The following SPECC1 variants were observed in gnomAD, a reference collection of about 807,000 sequenced individuals.
SPECC1 encodes the protein cytospin-B.
A neutral mutation model predicts 104.1 loss-of-function variants in SPECC1; 62 were observed. That is an observed-to-expected ratio of 0.60 (90% CI 0.49 to 0.74). The LOEUF (loss-of-function observed/expected upper bound fraction) is 0.74. SPECC1 is among the 30% of genes least tolerant of loss of function. The probability of loss-of-function intolerance (pLI) is 0.00; values close to 1 mark genes in which losing one functional copy is unlikely to be tolerated. For synonymous variants in SPECC1, 513 were observed against 501.6 expected (o/e 1.02, Z -0.30); for missense variants, 1,306 against 1,310.5 (o/e 1.00, Z 0.05).
chr17:20,154,477 C>T (rs569290464), intron 3 of SPECC1, among the ~76,000 whole-genome samples: 1 of 152,212 alleles, frequency 6.6e-6, no homozygotes, highest in East Asian at 1.9e-4. Flanking sequence ...GAACATGCCC[C>T]GCTTATTTGA....
Position 20,316,627 on chromosome 17 carries a change from C to T in SPECC1, c.*2562C>T. On this transcript the variant is annotated 3_prime_UTR_variant, in exon 15 of 15. Transcript: ENST00000395527. ...CAAGGTGATCTGCCTGCCTCAGCCT[C>T]CCAAAGTGCTGGGATTACAGGCATG... 1 of 184,546 alleles carries T rather than the reference C, an allele frequency of 5.4e-6. No homozygotes were observed. The highest frequency in any genetic ancestry group is 2.3e-5 in the African/African-American group (1 of 42,574). The allele number at this position is 184,546 out of a possible 1,614,324, so 11.4% of individuals were successfully genotyped here.
intron 1 of SPECC1, among the ~76,000 whole-genome samples, chr17:20,068,736 T>G (rs1298845635): frequency 6.6e-6 from 1 of 152,224 alleles, no homozygotes; most frequent in Non-Finnish European, 1.5e-5. Flanking sequence ...GCCTAATGAT[T>G]GATTTTTCTA....
chr17:20,075,192 C>T (rs953382942), intron 1 of SPECC1, among the ~76,000 whole-genome samples: 2 of 152,212 alleles, frequency 1.3e-5, no homozygotes, highest in African/African-American at 4.8e-5. Flanking sequence ...CGTGAGCCCC[C>T]ACACCTGGCC....
chr17:20,116,073 T>C (rs1041219818), intron 3 of SPECC1, among the ~76,000 whole-genome samples: 4 of 152,104 alleles, frequency 2.6e-5, no homozygotes, highest in African/African-American at 4.8e-5. Flanking sequence ...TCAATAACTT[T>C]CTTTTTTATT....
chr17:20,092,719 T>C (rs1279306544), intron 1 of SPECC1, among the ~76,000 whole-genome samples: 1 of 152,218 alleles, frequency 6.6e-6, no homozygotes, highest in African/African-American at 2.4e-5. Flanking sequence ...TCAACAGCCT[T>C]CTGTGTGCCT....
chr17:20,133,172 ATTTT>A (rs2049745784), intron 3 of SPECC1, among the ~76,000 whole-genome samples: 1 of 151,448 alleles, frequency 6.6e-6, no homozygotes, highest in African/African-American at 2.4e-5. Context: ...AAGTTTGTCA[ATTTT>A]ATAATTTTTT....
chr17:20,131,918 C>G (rs1050876983), intron 3 of SPECC1, among the ~76,000 whole-genome samples: 3 of 152,200 alleles, frequency 2.0e-5, no homozygotes, highest in Admixed American at 1.3e-4. Flanking sequence ...TCCCAAAGTG[C>G]TGGGATTACA....
intron 1 of SPECC1, among the ~76,000 whole-genome samples, chr17:20,063,046 T>C (rs1259455291): frequency 6.6e-6 from 1 of 152,126 alleles, no homozygotes; most frequent in Non-Finnish European, 1.5e-5. Context: ...ATGAAGTCAC[T>C]CCTTATAATT....
chr17:20,283,739 A>T (rs1056500531), intron 12 of SPECC1, among the ~76,000 whole-genome samples: 1 of 152,006 alleles, frequency 6.6e-6, no homozygotes, highest in Non-Finnish European at 1.5e-5. Flanking sequence ...GCTGCATGCC[A>T]CCACATTTGG....
In SPECC1 at chr17:20,318,613, C is replaced by T. The variant is rs2042068318; in HGVS notation, c.*4548C>T. The stretch of plus-strand genomic sequence containing the variant: ...AGGACTCGGGCCCATAGATGCAGAC[C>T]CCCTACCAAATCTAGCAATAGTTCT... On this transcript the variant is annotated 3_prime_UTR_variant, in exon 15 of 15. Coordinates refer to ENST00000395527, the MANE Select transcript of SPECC1 (RefSeq NM_001243439.2). The T allele has an allele frequency of 4.4e-6, 1 of 228,782 alleles. No individual in the cohort carries two copies. The highest frequency in any genetic ancestry group is 2.2e-5 in the African/African-American group (1 of 45,038). The allele number at this position is 228,782 out of a possible 1,614,324, so 14.2% of individuals were successfully genotyped here. A position where few individuals can be genotyped will look rare whatever the true frequency, so the allele number is the denominator to read the frequency against.
chr17:20,116,459 A>G (rs1285200137), intron 3 of SPECC1, among the ~76,000 whole-genome samples: 2 of 151,200 alleles, frequency 1.3e-5, no homozygotes, highest in Non-Finnish European at 2.9e-5. Flanking sequence ...AAAGGAATGA[A>G]AGGGCAAAAT....
chr17:20,145,275 G>A (rs1196862307), intron 3 of SPECC1, among the ~76,000 whole-genome samples: 1 of 152,190 alleles, frequency 6.6e-6, no homozygotes, highest in Admixed American at 6.5e-5. Flanking sequence ...TCTCTTGCTT[G>A]TAAGTAGAGA....
chr17:20,080,954 C>T (rs963108890), intron 1 of SPECC1, among the ~76,000 whole-genome samples: 2 of 152,098 alleles, frequency 1.3e-5, no homozygotes, highest in Admixed American at 1.3e-4. Flanking sequence ...GAACTTGAAA[C>T]CCCTGCCCCA....
intron 3 of SPECC1, among the ~76,000 whole-genome samples, chr17:20,142,365 C>T (rs1273011301): frequency 2.0e-5 from 3 of 152,154 alleles, no homozygotes; most frequent in Admixed American, 6.5e-5. Flanking sequence ...GATATTTGTG[C>T]GCCCGTGTTC....
At chr17:20,052,234 G>A (rs1353014244) in intron 1 of SPECC1, among the ~76,000 whole-genome samples, 5 of 152,186 alleles carry the variant, frequency 3.3e-5, no homozygotes, top group Non-Finnish European at 5.9e-5. Context: ...TGTGCCAAAT[G>A]TCACCATAGT....
At chr17:20,045,268 A>G (rs2045494046) in intron 1 of SPECC1, among the ~76,000 whole-genome samples, 1 of 152,142 alleles carries the variant, frequency 6.6e-6, no homozygotes, top group East Asian at 1.9e-4. Context: ...GTGGACATCC[A>G]TATCACTCTT....
intron 14 of SPECC1, among the ~76,000 whole-genome samples, chr17:20,311,068 G>T (rs2041915359): frequency 6.7e-6 from 1 of 148,418 alleles, no homozygotes; most frequent in South Asian, 2.2e-4. Context: ...TCTGCCTTCT[G>T]CACATACCTT....
Position 20,205,616 on chromosome 17 carries a change from C to G in SPECC1, c.1567C>G (p.Leu523Val), listed in dbSNP as rs2036724292. 4 of 1,614,016 alleles carry G rather than the reference C, an allele frequency of 2.5e-6. No individual in the cohort carries two copies. Among genetic ancestry groups the G allele is most frequent in the Non-Finnish European group, 3.4e-6 (4 of 1,180,018 alleles). The change falls in exon 4 of 15, where the codon CTA (leucine) becomes GTA (valine). Residue 523 changes from leucine (L) to valine (V), a missense_variant. Transcript: ENST00000395527. ...KEENEKLNEF[L>V]ELERHNNNMM... is the part of the protein sequence containing the mutation. Reference sequence around the variant, plus strand: ...AGAAAATGAAAAACTGAATGAGTTTCTAGAACTGGAACGGCATAATAATAA... The same window carrying G: ...AGAAAATGAAAAACTGAATGAGTTTGTAGAACTGGAACGGCATAATAATAA...
chr17:20,247,140 G>C, intron 8 of SPECC1, 79 bp from the exon 9 acceptor site: 21 of 1,162,898 alleles, frequency 1.8e-5, no homozygotes, highest in Non-Finnish European at 2.6e-5. Context: ...ACCAAAAAAA[G>C]TAACAAGAAA....
Sources: allele counts gnomAD v4.1 joint callset (sites outside exome capture counted in the v4.1 genomes callset), GRCh38; gene constraint gnomAD v4.1.1; transcripts MANE v1.5; gene names NCBI Gene and HGNC (gene_info 2026-07-23, HGNC 2026-07-21).